The following STARD13 variants were observed in gnomAD, a reference collection of about 807,000 sequenced individuals.
STARD13 encodes stAR-related lipid transfer protein 13.
A neutral mutation model predicts 106.4 loss-of-function variants in STARD13; 62 were observed. The observed-to-expected ratio is 0.58, with a 90% CI of 0.48 to 0.72. The LOEUF is 0.72. STARD13 is among the 30% of genes least tolerant of loss of function. The probability of loss-of-function intolerance (pLI) is 0.00; values close to 1 mark genes in which losing one functional copy is unlikely to be tolerated. For missense variants in STARD13, 1,387 were observed against 1,424.0 expected (o/e 0.97, Z 0.42); for synonymous variants, 565 against 553.0 (o/e 1.02, Z -0.31).
chr13:33,157,107 G>A (rs1882069798), intron 3 of STARD13, among the ~76,000 whole-genome samples: 1 of 151,976 alleles, frequency 6.6e-6, no homozygotes. Context: ...CTCGAATCAA[G>A]TATGGGCCTT....
chr13:33,645,545 C>T, the STARD13 span, among the ~76,000 whole-genome samples: 1 of 152,194 alleles, frequency 6.6e-6, no homozygotes, highest in Non-Finnish European at 1.5e-5. Context: ...TAAGCAGGTG[C>T]TCTTTTAACT....
At chr13:33,193,338 T>C (rs1299412418) in intron 1 of STARD13, among the ~76,000 whole-genome samples, 2 of 152,210 alleles carry the variant, frequency 1.3e-5, no homozygotes, top group African/African-American at 4.8e-5. Flanking sequence ...CTTGACGCCT[T>C]GCAGAAGGTT....
At chr13:33,660,911 CT>C in the STARD13 span, among the ~76,000 whole-genome samples, 155 of 152,268 alleles carry the variant, frequency 1.0e-3, no homozygotes, top group African/African-American at 3.5e-3. Flanking sequence ...AATGGTTTCA[CT>C]TTCTTGGTAG....
At chr13:33,596,900 G>A in the STARD13 span, among the ~76,000 whole-genome samples, 1 of 152,142 alleles carries the variant, frequency 6.6e-6, no homozygotes, top group Non-Finnish European at 1.5e-5. Flanking sequence ...GTATGCCATT[G>A]TGTATATATA....
the STARD13 span, among the ~76,000 whole-genome samples, chr13:33,549,359 A>G: frequency 2.6e-5 from 4 of 152,350 alleles, no homozygotes; most frequent in South Asian, 8.3e-4. Flanking sequence ...TGAATTGTAA[A>G]GTGTGGATCC....
At chr13:33,128,883 A>C (rs1877664803) in intron 5 of STARD13, 46 bp downstream of exon 5, 1 of 1,541,492 alleles carries the variant, frequency 6.5e-7, no homozygotes, top group East Asian at 2.3e-5. Context: ...GAACACAATT[A>C]CTATGAAATG....
the STARD13 span, among the ~76,000 whole-genome samples, chr13:33,645,859 A>G: frequency 6.6e-6 from 1 of 152,082 alleles, no homozygotes; most frequent in Non-Finnish European, 1.5e-5. Context: ...GGTGGATCTT[A>G]TTTGCAAGTA....
the STARD13 span, among the ~76,000 whole-genome samples, chr13:33,475,818 G>A: frequency 3.9e-5 from 6 of 152,022 alleles, no homozygotes; most frequent in African/African-American, 7.3e-5. Context: ...TTAGCTGGGC[G>A]TGGTGGCATG....
chr13:33,112,763 G>A lies in STARD13; in HGVS notation c.2450C>T (p.Ser817Phe). ...PMNLAVCLAP[S>F]LFHLNLLKKE... is the part of the protein sequence containing the mutation. The stretch of plus-strand genomic sequence containing the variant: ...CTTCAATAAATTAAGATGAAAGAGG[G>A]AGGGGGCCAGACACACTGCCAGGTT... Residue 817 changes from serine (S) to phenylalanine (F), a missense_variant, in exon 9 of 14, where the codon TCC becomes TTC. Coordinates refer to ENST00000336934, the MANE Select transcript of STARD13 (RefSeq NM_178006.4). The A allele has an allele frequency of 6.2e-7, 1 of 1,609,360 alleles. No individual in the cohort carries two copies. The highest frequency in any genetic ancestry group is 8.5e-7 in the Non-Finnish European group (1 of 1,177,750).
At chr13:33,156,770 C>T (rs758009981) in intron 3 of STARD13, among the ~76,000 whole-genome samples, 1 of 152,070 alleles carries the variant, frequency 6.6e-6, no homozygotes, top group Admixed American at 6.6e-5. Flanking sequence ...TTGCAATATA[C>T]TTAAATGCAG....
intron 1 of STARD13, among the ~76,000 whole-genome samples, chr13:33,313,206 A>T (rs1381553866): frequency 6.6e-6 from 1 of 152,246 alleles, no homozygotes; most frequent in Non-Finnish European, 1.5e-5. Flanking sequence ...GCATTGCTGT[A>T]GATATCTGCT....
the STARD13 span, among the ~76,000 whole-genome samples, chr13:33,620,192 C>T: frequency 6.6e-6 from 1 of 151,730 alleles, no homozygotes; most frequent in Admixed American, 6.6e-5. Context: ...AAGAATACAG[C>T]AAATTTGAAA....
At chr13:33,415,195 C>T in the STARD13 span, among the ~76,000 whole-genome samples, 4 of 152,196 alleles carry the variant, frequency 2.6e-5, no homozygotes. Context: ...GGTGAAACCC[C>T]GTCTGTACTA....
the STARD13 span, among the ~76,000 whole-genome samples, chr13:33,447,936 A>T: frequency 2.0e-5 from 3 of 152,234 alleles, no homozygotes; most frequent in Admixed American, 2.0e-4. Context: ...TGAGATAATA[A>T]GCACAATTAA....
At chr13:33,550,795 A>G in the STARD13 span, among the ~76,000 whole-genome samples, 1 of 152,188 alleles carries the variant, frequency 6.6e-6, no homozygotes, top group African/African-American at 2.4e-5. Flanking sequence ...ATTTCACTCC[A>G]TGCATTGCTT....
intron 1 of STARD13, chr13:33,206,003 T>A: frequency 4.1e-6 from 4 of 985,458 alleles, no homozygotes; most frequent in Non-Finnish European, 4.8e-6. Flanking sequence ...CTGTTGTCTG[T>A]GAGACTGGTC....
chr13:33,176,692 A>G (rs1884554057), intron 1 of STARD13, among the ~76,000 whole-genome samples: 1 of 152,212 alleles, frequency 6.6e-6, no homozygotes, highest in African/African-American at 2.4e-5. Context: ...AAGACTTAAG[A>G]AACTTAATTC....
At chr13:33,107,506 AGTG>A (rs1243876647) in intron 12 of STARD13, among the ~76,000 whole-genome samples, 1 of 152,292 alleles carries the variant, frequency 6.6e-6, no homozygotes, top group Admixed American at 6.5e-5. Flanking sequence ...CTCAAAGAGA[AGTG>A]AACTGGTACG....
intron 1 of STARD13, among the ~76,000 whole-genome samples, chr13:33,241,404 T>C (rs750537292): frequency 1.3e-5 from 2 of 152,190 alleles, no homozygotes; most frequent in Non-Finnish European, 2.9e-5. Context: ...TAATAAAAAC[T>C]GCATTTTTAT....
Sources: gnomAD v4.1 joint callset for allele counts (sites outside exome capture counted in the v4.1 genomes callset) on GRCh38, gnomAD v4.1.1 for gene constraint, MANE v1.5 for transcripts, NCBI Gene and HGNC (gene_info 2026-07-23, HGNC 2026-07-21) for gene names.